The following NEK7 variants were observed in gnomAD, a reference collection of about 807,000 sequenced individuals.
NEK7 encodes the protein NIMA related kinase 7.
NEK7 carries 18 observed loss-of-function variants against 44.6 expected under a neutral mutation model. The observed-to-expected ratio is 0.40, with a 90% CI of 0.28 to 0.60. The LOEUF (loss-of-function observed/expected upper bound fraction) is 0.60. NEK7 is among the 20% of genes least tolerant of loss of function. The pLI is 0.38. For synonymous variants in NEK7, 130 were observed against 121.1 expected (o/e 1.07, Z -0.48); for missense variants, 256 against 366.5 (o/e 0.70, Z 2.46).
At chr1:198,319,327 ATAGCTAT>A in intron 9 of NEK7, 78 bp from the exon 10 acceptor site, 2 of 757,712 alleles carry the variant, frequency 2.6e-6, no homozygotes, top group Non-Finnish European at 4.4e-6. Context: ...TGTAAAATCT[ATAGCTAT>A]TCATAATTTC....
intron 2 of NEK7, among the ~76,000 whole-genome samples, chr1:198,243,224 GTCACATTCTATA>G (rs974044121): frequency 6.6e-6 from 1 of 152,036 alleles, no homozygotes; most frequent in Non-Finnish European, 1.5e-5. Flanking sequence ...CTGGTTTTCT[GTCACATTCTATA>G]TCACATCACT....
At chr1:198,237,079 G>A (rs971772506) in intron 2 of NEK7, among the ~76,000 whole-genome samples, 1 of 152,092 alleles carries the variant, frequency 6.6e-6, no homozygotes, top group South Asian at 2.1e-4. Context: ...GCATTTGATA[G>A]AGTTGATTAT....
At chr1:198,182,677 T>A (rs1179159326) in intron 1 of NEK7, among the ~76,000 whole-genome samples, 3 of 152,206 alleles carry the variant, frequency 2.0e-5, no homozygotes, top group Non-Finnish European at 4.4e-5. Context: ...TGTTCTTTGT[T>A]TTATTACGTG....
In NEK7 at chr1:198,262,090, G is replaced by A. The variant is rs182157137; in HGVS notation, c.199-485G>A. On this transcript the variant is annotated intron_variant, in intron 3 of 9. Transcript: ENST00000367385. ...GGAACAGATTAATGGTTCAGTGCTT[G>A]GGTTCTAGATGGATAACTCTGAGAA... 1.5e-4 allele frequency among the ~76,000 whole-genome samples: 23 copies of A among 151,942 alleles called. No individual in the cohort carries two copies. The South Asian group carries it at 1.9e-3, about 12-fold the overall frequency.
intron 1 of NEK7, among the ~76,000 whole-genome samples, chr1:198,179,673 G>GGTTTC (rs1664701705): frequency 6.6e-6 from 1 of 152,116 alleles, no homozygotes; most frequent in Non-Finnish European, 1.5e-5. Context: ...TGGTCTTGAG[G>GGTTTC]ACTGCCTTTA....
At chr1:198,268,637 C>T (rs1322345407) in intron 5 of NEK7, among the ~76,000 whole-genome samples, 1 of 152,132 alleles carries the variant, frequency 6.6e-6, no homozygotes, top group African/African-American at 2.4e-5. Flanking sequence ...AACTTCCTTT[C>T]AATCACATCT....
chr1:198,184,139 TA>T (rs1260537291), intron 1 of NEK7, among the ~76,000 whole-genome samples: 2 of 152,230 alleles, frequency 1.3e-5, no homozygotes, highest in African/African-American at 2.4e-5. Flanking sequence ...TACTGCTGTA[TA>T]GTGTGAAAAT....
chr1:198,191,429 A>G (rs1336231158), intron 1 of NEK7, among the ~76,000 whole-genome samples: 2 of 151,986 alleles, frequency 1.3e-5, no homozygotes, highest in African/African-American at 4.8e-5. Flanking sequence ...ATATTTTCAT[A>G]TGCTCTTCTA....
At chr1:198,278,615 TA>T (rs1307819115) in intron 6 of NEK7, among the ~76,000 whole-genome samples, 1 of 151,902 alleles carries the variant, frequency 6.6e-6, no homozygotes, top group Non-Finnish European at 1.5e-5. Context: ...AGTTAATTTT[TA>T]TTAAGATATT....
At chr1:198,259,259 T>C (rs906991210) in intron 3 of NEK7, among the ~76,000 whole-genome samples, 1 of 152,190 alleles carries the variant, frequency 6.6e-6, no homozygotes, top group African/African-American at 2.4e-5. Context: ...AAAACTCTTA[T>C]ACATCTATTA....
At chr1:198,255,203 AG>A (rs1244473208) in intron 3 of NEK7, among the ~76,000 whole-genome samples, 1 of 152,198 alleles carries the variant, frequency 6.6e-6, no homozygotes, top group Non-Finnish European at 1.5e-5. Context: ...TTTGAACCGT[AG>A]GCAATTGAGG....
chr1:198,300,958 A>G (rs985992332), intron 9 of NEK7, among the ~76,000 whole-genome samples: 1 of 152,236 alleles, frequency 6.6e-6, no homozygotes, highest in African/African-American at 2.4e-5. Flanking sequence ...CTGGGAAATA[A>G]GATAAATAGA....
intron 9 of NEK7, among the ~76,000 whole-genome samples, chr1:198,300,645 T>C (rs1397287464): frequency 6.6e-6 from 1 of 151,950 alleles, no homozygotes; most frequent in African/African-American, 2.4e-5. Flanking sequence ...CCCTTGAGGA[T>C]CAGTAACTCT....
intron 1 of NEK7, among the ~76,000 whole-genome samples, chr1:198,211,798 G>T (rs970925072): frequency 2.0e-5 from 3 of 152,140 alleles, no homozygotes; most frequent in South Asian, 2.1e-4. Flanking sequence ...AAAGGTTCAT[G>T]CTGTGAACTT....
At chr1:198,260,362 CTAGA>C (rs750021932) in intron 3 of NEK7, among the ~76,000 whole-genome samples, 2 of 151,634 alleles carry the variant, frequency 1.3e-5, no homozygotes, top group Non-Finnish European at 2.9e-5. Flanking sequence ...ACATATCTTA[CTAGA>C]TAGTTTATGT....
chr1:198,282,187 GT>G (rs1654221793), intron 7 of NEK7, among the ~76,000 whole-genome samples: 1 of 151,990 alleles, frequency 6.6e-6, no homozygotes, highest in African/African-American at 2.4e-5. Flanking sequence ...ACACTCTTTT[GT>G]TTCTGATATT....
intron 7 of NEK7, among the ~76,000 whole-genome samples, chr1:198,285,450 G>T (rs2102993608): frequency 6.6e-6 from 1 of 152,312 alleles, no homozygotes; most frequent in East Asian, 1.9e-4. Context: ...ACAGTGAGTT[G>T]TAGACGCTTG....
At chr1:198,241,192 C>T (rs890887796) in intron 2 of NEK7, among the ~76,000 whole-genome samples, 1 of 152,124 alleles carries the variant, frequency 6.6e-6, no homozygotes, top group Non-Finnish European at 1.5e-5. Context: ...TTTAGGATAC[C>T]TGTATATTTT....
intron 5 of NEK7, among the ~76,000 whole-genome samples, chr1:198,265,591 T>A (rs1009929121): frequency 6.6e-6 from 1 of 152,066 alleles, no homozygotes; most frequent in African/African-American, 2.4e-5. Flanking sequence ...CTTTCTCTGG[T>A]TGGTCCTAGT....
Sources: gnomAD v4.1 joint callset for allele counts (sites outside exome capture counted in the v4.1 genomes callset) on GRCh38, gnomAD v4.1.1 for gene constraint, MANE v1.5 for transcripts, NCBI Gene and HGNC (gene_info 2026-07-23, HGNC 2026-07-21) for gene names.